LDLRAD1: variants seen among roughly 807,000 people sequenced by gnomAD.
LDLRAD1 encodes low-density lipoprotein receptor class A domain-containing protein 1.
In LDLRAD1, 17 loss-of-function variants were observed where a neutral mutation model predicts 24.8. The ratio of observed to expected loss-of-function variants is 0.69; its 90% confidence interval spans 0.47 to 1.03. The LOEUF (loss-of-function observed/expected upper bound fraction) is 1.03. Ranked by LOEUF, LDLRAD1 falls within the 50% of genes least tolerant of loss-of-function variation. The pLI is 0.00. For missense variants in LDLRAD1, 277 were observed against 271.0 expected, an observed-to-expected ratio of 1.02 and a Z score of -0.16; for synonymous variants, 103 against 108.2, an observed-to-expected ratio of 0.95 and a Z score of 0.30.
At chr1:54,010,148 G>A (rs1242972079) in intron 5 of LDLRAD1, 134 bp downstream of exon 5, 4 of 958,284 alleles carry the variant, frequency 4.2e-6, no homozygotes, top group Non-Finnish European at 4.6e-6. Context: ...ATGTATTCAA[G>A]CAGGGGTAGA....
chr1:54,013,272 G>A (rs375471461), intron 3 of LDLRAD1, among the ~76,000 whole-genome samples: 1 of 152,110 alleles, frequency 6.6e-6, no homozygotes. Context: ...ACACACAGAT[G>A]TGCACACAGG....
At chr1:54,017,542 G>T in intron 1 of LDLRAD1, 115 bp from the exon 2 acceptor site, 1 of 811,856 alleles carries the variant, frequency 1.2e-6, no homozygotes, top group Non-Finnish European at 2.1e-6. Context: ...TAGAACCACG[G>T]GTCCGTCACA....
Position 54,008,874 on chromosome 1 carries a change from C to CTCGGTTGTAG in LDLRAD1, c.*107_*108insCTACAACCGA. On this transcript the variant is annotated 3_prime_UTR_variant, in exon 6 of 6. Transcript: ENST00000371360. ...TCCTATTCAGAAATGATGTGTAGAT[C>CTCGGTTGTAG]CCATTTCAAAGGCTGCTTCCTGCCC... 1.0e-6 allele frequency: 1 copy of CTCGGTTGTAG among 992,512 alleles called. No homozygotes were observed. Among genetic ancestry groups the CTCGGTTGTAG allele is most frequent in the Non-Finnish European group, 1.5e-6 (1 of 665,246 alleles). The allele number at this position is 992,512 out of a possible 1,614,324, so 61.5% of individuals were successfully genotyped here.
At chr1:54,011,964 G>GT (rs1347538864) in intron 4 of LDLRAD1, among the ~76,000 whole-genome samples, 179 bp downstream of exon 4, 1 of 152,210 alleles carries the variant, frequency 6.6e-6, no homozygotes, top group Non-Finnish European at 1.5e-5. Flanking sequence ...GCATTCCTTA[G>GT]TGGGGGCATG....
chr1:54,010,523 C>T (rs1656007332), intron 4 of LDLRAD1, 113 bp from the exon 5 acceptor site: 4 of 1,057,444 alleles, frequency 3.8e-6, no homozygotes, highest in Middle Eastern at 2.7e-4. Flanking sequence ...GATCAGTGCC[C>T]ATCCAGCCCA....
intron 2 of LDLRAD1, 23 bp from the exon 3 acceptor site, chr1:54,014,387 C>T (rs1428460171): frequency 4.6e-6 from 7 of 1,538,342 alleles, no homozygotes; most frequent in East Asian, 2.5e-5. Context: ...GAAACAAGCC[C>T]GGGGGTGGTG....
intron 3 of LDLRAD1, 57 bp from the exon 4 acceptor site, chr1:54,012,337 C>A (rs943268056): frequency 6.3e-7 from 1 of 1,590,728 alleles, no homozygotes; most frequent in Admixed American, 1.7e-5. Flanking sequence ...AAGGACAAAC[C>A]TTCCTCACCT....
rs1005226518 is a variant in LDLRAD1, at chr1:54,012,387, G to C, written c.203-107C>G. ...GCTGGCCTGAGGGGCTGGGGCAGTG[G>C]GGAGGATGGACCCAGCGCCATCAAT... On this transcript the variant is annotated intron_variant, in intron 3 of 5. Coordinates refer to ENST00000371360, the MANE Select transcript of LDLRAD1 (RefSeq NM_001010978.4). The C allele has an allele frequency of 5.7e-6, 7 of 1,234,918 alleles. No homozygotes were observed. In the African/African-American group the frequency reaches 1.0e-4, roughly 18 times the overall value. The allele number at this position is 1,234,918 out of a possible 1,614,324, so 76.5% of individuals were successfully genotyped here. A position where few individuals can be genotyped will look rare whatever the true frequency, so the allele number is the denominator to read the frequency against.
chr1:54,014,356 C>T lies in LDLRAD1; in HGVS notation c.82G>A (p.Gly28Ser), dbSNP rs1483538843. 1.3e-5 allele frequency: 20 copies of T among 1,543,750 alleles called. No homozygotes were observed. Among genetic ancestry groups the T allele is most frequent in the Non-Finnish European group, 1.5e-5 (17 of 1,142,948 alleles). ...CCGCGACGTGAGCAGCAGAGGTGGCCGCCGCCTGCTGTGTGGGGGGGAAAC... is the reference window on the plus strand; with the variant it reads ...CCGCGACGTGAGCAGCAGAGGTGGCTGCCGCCTGCTGTGTGGGGGGGAAAC... ...KAHPGGEAGGGHLCCSRRGAC... is the reference protein window; with the variant it reads ...KAHPGGEAGGSHLCCSRRGAC... The change falls in exon 3 of 6, where the codon GGC becomes AGC. Residue 28 changes from glycine (G) to serine (S), a missense_variant. Physicochemically the swap from Gly to Ser is moderately conservative, Grantham distance 56 (BLOSUM62 0). Transcript: ENST00000371360.
In LDLRAD1 at chr1:54,014,286, G is replaced by A. The variant is rs867095762; in HGVS notation, c.152C>T (p.Ala51Val). Residue 51 changes from alanine to valine, a missense_variant, in exon 3 of 6, where the codon GCG becomes GTG. Transcript: ENST00000371360. ...AATGGTGACCAAGGCGATGAGGGCCGCCACAGTTGCCAGGAGGAGCAGCAG... is the reference window on the plus strand; with the variant it reads ...AATGGTGACCAAGGCGATGAGGGCCACCACAGTTGCCAGGAGGAGCAGCAG... Reference protein sequence around the residue: ...ASLLLLLATVAALIALVTILG... With the variant: ...ASLLLLLATVVALIALVTILG... 8 of 1,551,180 alleles carry A rather than the reference G, an allele frequency of 5.2e-6. No individual in the cohort carries two copies. The highest frequency in any genetic ancestry group is 3.9e-5 in the Admixed American group (2 of 51,024).
At chr1:54,011,405 G>A (rs767990773) in intron 4 of LDLRAD1, among the ~76,000 whole-genome samples, 6 of 152,128 alleles carry the variant, frequency 3.9e-5, no homozygotes, top group Non-Finnish European at 5.9e-5. Flanking sequence ...CAGAGGCTGG[G>A]TGGCCTCGGT....
intron 3 of LDLRAD1, 47 bp downstream of exon 3, chr1:54,014,189 A>G (rs1295941038): frequency 1.3e-6 from 2 of 1,558,008 alleles, no homozygotes; most frequent in Non-Finnish European, 1.7e-6. Flanking sequence ...GTGCCCTCCC[A>G]TGCCCTCCCC....
chr1:54,010,240 CCT>C, intron 5 of LDLRAD1, 40 bp downstream of exon 5: 1 of 1,609,526 alleles, frequency 6.2e-7, no homozygotes, highest in Non-Finnish European at 8.5e-7. Context: ...CTGGCTGCTG[CCT>C]GGACACCAGC....
Position 54,010,484 on chromosome 1 carries a change from T to C in LDLRAD1, c.341-74A>G, listed in dbSNP as rs557880433. 224 of 1,528,642 alleles carry C rather than the reference T, an allele frequency of 1.5e-4. 1 individual carries two copies. In the African/African-American group the frequency reaches 1.9e-3, roughly 13 times the overall value. The allele number at this position is 1,528,642 out of a possible 1,614,324, so 94.7% of individuals were successfully genotyped here. ...TGTCTGAGGGTTATCGGGAGGAGGA[T>C]TGACCACCCTGGCAGTGGCCAAACT... On this transcript the variant is annotated intron_variant, in intron 4 of 5. Coordinates refer to ENST00000371360, the MANE Select transcript of LDLRAD1 (RefSeq NM_001010978.4).
At chr1:54,012,926 G>A (rs1438251816) in intron 3 of LDLRAD1, among the ~76,000 whole-genome samples, 1 of 152,196 alleles carries the variant, frequency 6.6e-6, no homozygotes, top group African/African-American at 2.4e-5. Context: ...GGACAAGGTA[G>A]GAGGAACCCC....
At chr1:54,015,663 GT>G (rs1553165325) in intron 2 of LDLRAD1, among the ~76,000 whole-genome samples, 1 of 90,972 alleles carries the variant, frequency 1.1e-5, no homozygotes. Flanking sequence ...TGTTTTTTTT[GT>G]TTTTTTTTTG....
intron 4 of LDLRAD1, 58 bp downstream of exon 4, chr1:54,012,085 C>G (rs1027934192): frequency 2.9e-5 from 46 of 1,598,968 alleles, no homozygotes; most frequent in Non-Finnish European, 3.8e-5. Flanking sequence ...GTATGGATGC[C>G]AAGAGCATCG....
At chr1:54,013,460 T>C in intron 3 of LDLRAD1, among the ~76,000 whole-genome samples, 2 of 64,936 alleles carry the variant, frequency 3.1e-5, no homozygotes, top group South Asian at 4.0e-4. Flanking sequence ...CCCAACTTAA[T>C]CCCCTTTCTG....
In LDLRAD1 at chr1:54,010,179, G is replaced by A. The variant is rs964032533; in HGVS notation, c.469+103C>T. ...GTAGAAAACTCCTTCCTAGGATGCA[G>A]GGAAGCATGCAAGGGGGAGCCCTAG... On this transcript the variant is annotated intron_variant, in intron 5 of 5. Transcript: ENST00000371360. The A allele has an allele frequency of 3.7e-6, 5 of 1,352,120 alleles. No homozygotes were observed. In the African/African-American group the frequency reaches 5.8e-5, roughly 16 times the overall value. The allele number at this position is 1,352,120 out of a possible 1,614,324, so 83.8% of individuals were successfully genotyped here.
Sources: allele counts gnomAD v4.1 joint callset (sites outside exome capture counted in the v4.1 genomes callset), GRCh38; gene constraint gnomAD v4.1.1; transcripts MANE v1.5; gene names NCBI Gene and HGNC (gene_info 2026-07-23, HGNC 2026-07-21).